Variants in REPS2 observed in about 807,000 individuals in gnomAD.
REPS2 encodes the protein ralBP1-associated Eps domain-containing protein 2.
Under a neutral mutation model 53.6 loss-of-function variants are expected in REPS2, and 23 were observed. The observed-to-expected ratio is 0.43, with a 90% confidence interval of 0.31 to 0.61. The LOEUF is 0.61. Ranked by LOEUF, REPS2 falls within the 20% of genes least tolerant of loss-of-function variation. The pLI is 0.11. For missense variants in REPS2, 446 were observed against 534.9 expected (o/e 0.83, Z 1.64); for synonymous variants, 238 against 218.6 (o/e 1.09, Z -0.78).
the REPS2 span, among the ~76,000 whole-genome samples, chrX:17,182,551 G>A: frequency 8.9e-6 from 1 of 112,012 alleles, no homozygotes; most frequent in Non-Finnish European, 1.9e-5. Flanking sequence ...AGGGGACAGT[G>A]AGCATGACAG....
intron 5 of REPS2, among the ~76,000 whole-genome samples, chrX:17,041,090 C>T (rs2061824291): frequency 8.9e-6 from 1 of 111,841 alleles, no homozygotes. Flanking sequence ...CATGGTGATT[C>T]ATGCACCAGA....
Position 16,970,720 on chromosome X carries a change from T to G in REPS2, c.273+23586T>G, listed in dbSNP as rs980545379. 4.4e-5 allele frequency among the ~76,000 whole-genome samples: 5 copies of G among 112,649 alleles called. No homozygotes were observed. The Admixed American group carries it at 4.7e-4, about 11-fold the overall frequency. ...CCTAGGCAGCCATGGATCTACTTTT[T>G]GTCTATGGATTCGTCTATTCCAGAC... On this transcript the variant is annotated intron_variant, in intron 1 of 17. Coordinates refer to ENST00000357277, the MANE Select transcript of REPS2 (RefSeq NM_004726.3).
At chrX:16,993,508 T>TA (rs1411635840) in intron 1 of REPS2, among the ~76,000 whole-genome samples, 6 of 110,681 alleles carry the variant, frequency 5.4e-5, no homozygotes, top group Non-Finnish European at 1.1e-4. Context: ...TGCCACCTTG[T>TA]AAAAAAAGCC....
the REPS2 span, among the ~76,000 whole-genome samples, chrX:17,178,694 C>G: frequency 1.8e-5 from 2 of 111,415 alleles, no homozygotes; most frequent in East Asian, 5.7e-4. Flanking sequence ...CTTTCGGAGG[C>G]CAAGGCGGGT....
intron 14 of REPS2, among the ~76,000 whole-genome samples, chrX:17,106,581 T>C (rs765112423): frequency 1.8e-5 from 2 of 109,070 alleles, no homozygotes; most frequent in African/African-American, 3.4e-5. Context: ...GCCCGGTTAA[T>C]TTTCTGTATT....
chrX:17,095,976 C>T (rs1025437540), intron 13 of REPS2, among the ~76,000 whole-genome samples: 2 of 111,944 alleles, frequency 1.8e-5, no homozygotes, highest in African/African-American at 6.5e-5. Context: ...AGCATTTAAA[C>T]AGTTCTCTTC....
At chrX:17,180,620 TCTCTCA>T in the REPS2 span, among the ~76,000 whole-genome samples, 2 of 98,988 alleles carry the variant, frequency 2.0e-5, no homozygotes, top group Non-Finnish European at 3.9e-5. Context: ...TCTCTCTCTC[TCTCTCA>T]CACACACACA....
At chrX:16,959,631 T>C (rs773940476) in intron 1 of REPS2, among the ~76,000 whole-genome samples, 1 of 111,807 alleles carries the variant, frequency 8.9e-6, no homozygotes, top group Admixed American at 9.5e-5. Flanking sequence ...TCCTTCCCAG[T>C]AGGATACGAT....
chrX:17,063,405 A>G (rs763881689), intron 9 of REPS2, among the ~76,000 whole-genome samples: 20 of 111,421 alleles, frequency 1.8e-4, no homozygotes, highest in African/African-American at 5.9e-4. Context: ...GTGCATGATG[A>G]TTTATTCTCT....
At chrX:17,103,801 T>C (rs2062838010) in intron 14 of REPS2, 22 bp downstream of exon 14, 3 of 1,185,890 alleles carry the variant, frequency 2.5e-6, no homozygotes, top group African/African-American at 1.8e-5. Flanking sequence ...ATTTGATTTA[T>C]GTAAACTGTT....
rs768964538 is a variant in REPS2, at chrX:16,983,173, G to A, written c.274-23048G>A. On this transcript the variant is annotated intron_variant, in intron 1 of 17. Transcript: ENST00000357277. ...AACCTAGTTTATCCTGGTTAAGATA[G>A]GGTGTTGAGAAGATTAAATGGAAAA... Among the ~76,000 whole-genome samples, 142 of 106,372 alleles carry A rather than the reference G, an allele frequency of 1.3e-3. 1 individual carries two copies. The highest frequency in any genetic ancestry group is 2.4e-3 in the Admixed American group (23 of 9,633). 92.4% of individuals were successfully genotyped at this position (106,372 alleles called of 115,157 possible).
At chrX:17,176,360 C>T in the REPS2 span, among the ~76,000 whole-genome samples, 3 of 111,468 alleles carry the variant, frequency 2.7e-5, no homozygotes, top group East Asian at 5.6e-4. Context: ...TGATGGCTTC[C>T]GAAGCTAACT....
At chrX:16,987,078 TTTTA>T (rs2061100885) in intron 1 of REPS2, among the ~76,000 whole-genome samples, 1 of 108,704 alleles carries the variant, frequency 9.2e-6, no homozygotes, top group African/African-American at 3.4e-5. Flanking sequence ...CCCAGCTAAT[TTTTA>T]TTTATTTATA....
chrX:17,022,702 A>G (rs758701209), intron 3 of REPS2, among the ~76,000 whole-genome samples: 2 of 112,336 alleles, frequency 1.8e-5, no homozygotes, highest in African/African-American at 6.5e-5. Flanking sequence ...GGGAAGGACT[A>G]AATCCTCAGT....
intron 5 of REPS2, among the ~76,000 whole-genome samples, chrX:17,034,997 G>A (rs1368384619): frequency 1.8e-5 from 2 of 110,025 alleles, no homozygotes; most frequent in Non-Finnish European, 3.8e-5. Flanking sequence ...GTTTCTTGCC[G>A]TACCTCCTCC....
chrX:16,970,685 T>C (rs1179180900), intron 1 of REPS2, among the ~76,000 whole-genome samples: 1 of 112,458 alleles, frequency 8.9e-6, no homozygotes, highest in African/African-American at 3.2e-5. Context: ...TCACCCCCAG[T>C]TCCACCATTC....
At chrX:17,164,421 C>T in the REPS2 span, among the ~76,000 whole-genome samples, 1 of 111,803 alleles carries the variant, frequency 8.9e-6, no homozygotes, top group Admixed American at 9.5e-5. Flanking sequence ...AAACAGTAAT[C>T]AAAAAGAGCT....
At chrX:17,020,780 C>T (rs1037191141) in intron 2 of REPS2, among the ~76,000 whole-genome samples, 22 of 110,798 alleles carry the variant, frequency 2.0e-4, no homozygotes, top group African/African-American at 2.6e-4. Context: ...AGGCGCCTGA[C>T]GCCACGCCTG....
At chrX:16,973,499 T>C (rs748560504) in intron 1 of REPS2, among the ~76,000 whole-genome samples, 2 of 112,052 alleles carry the variant, frequency 1.8e-5, no homozygotes, top group African/African-American at 3.2e-5. Context: ...GAAATCCTAT[T>C]GTATTGGTTA....
Sources: gnomAD v4.1 joint callset for allele counts (sites outside exome capture counted in the v4.1 genomes callset) on GRCh38, gnomAD v4.1.1 for gene constraint, MANE v1.5 for transcripts, NCBI Gene and HGNC (gene_info 2026-07-23, HGNC 2026-07-21) for gene names.